Variants in ARID1B observed in about 807,000 individuals in gnomAD.
ARID1B encodes AT-rich interactive domain-containing protein 1B.
A neutral mutation model predicts 212.3 loss-of-function variants in ARID1B; 30 were observed. That is an observed-to-expected ratio of 0.14 (90% CI 0.11 to 0.19). The LOEUF (loss-of-function observed/expected upper bound fraction) is 0.19. Among genes scored for constraint, ARID1B ranks in the 10% least tolerant of loss-of-function variants. ARID1B has a pLI of 1.00. For missense variants in ARID1B, 2,891 were observed against 3,204.0 expected (o/e 0.90, Z 2.36); for synonymous variants, 1,402 against 1,301.7 (o/e 1.08, Z -1.66).
In ARID1B at chr6:157,007,731, T is replaced by G. The variant is rs568961340; in HGVS notation, c.2247+72155T>G. On this transcript the variant is annotated intron_variant, in intron 4 of 19. Coordinates refer to ENST00000636930, the MANE Select transcript of ARID1B (RefSeq NM_001374828.1). ...AGTTAAGGAAGCCCTAAGTTGTTTT[T>G]TTTTTTTTTTTTCCCCAAGACAGAG... Among the ~76,000 whole-genome samples, 1,123 of 140,968 alleles carry G rather than the reference T, an allele frequency of 8.0e-3. 20 individuals are homozygous for G. Among genetic ancestry groups the G allele is most frequent in the African/African-American group, 0.026 (1,033 of 39,324 alleles). 92.5% of individuals were successfully genotyped at this position (140,968 alleles called of 152,430 possible).
rs373508866 is a variant in ARID1B at position 157,084,693 on chromosome 6, C to T, written c.2279C>T (p.Thr760Met). Reference protein sequence around the residue: ...DLSGSIDDLPTGTEATLSSAV... With the variant: ...DLSGSIDDLPMGTEATLSSAV... The stretch of plus-strand genomic sequence containing the variant: ...TCTGGCTCCATTGATGACCTCCCCA[C>T]GGGAACGGAAGCAACTTTGAGCTCA... Residue 760 changes from threonine (T) to methionine (M), a missense_variant, in exon 5 of 20, where the codon ACG becomes ATG. By Grantham distance (81) the Thr-to-Met change is moderately conservative (BLOSUM62 -1). Around this residue, in one of 7 missense-constraint regions of ARID1B, gnomAD observed 1,643 missense variants for 1,544.0 expected, o/e 1.06. Coordinates refer to ENST00000636930, the MANE Select transcript of ARID1B (RefSeq NM_001374828.1). The T allele has an allele frequency of 2.5e-5, 40 of 1,614,036 alleles. No individual in the cohort carries two copies. Among genetic ancestry groups the T allele is most frequent in the African/African-American group, 5.3e-5 (4 of 74,908 alleles).
intron 4 of ARID1B, among the ~76,000 whole-genome samples, chr6:157,075,869 A>G (rs895810924): frequency 2.0e-5 from 3 of 152,238 alleles, no homozygotes; most frequent in African/African-American, 7.2e-5. Flanking sequence ...AAAGACTGGG[A>G]AACTGTCACA....
At chr6:157,165,131 GT>G (rs1436853741) in intron 8 of ARID1B, among the ~76,000 whole-genome samples, 7 of 152,228 alleles carry the variant, frequency 4.6e-5, no homozygotes, top group Non-Finnish European at 8.8e-5. Context: ...ATATAGGGAT[GT>G]GTTTATAGCT....
chr6:156,896,816 T>G (rs1031768934), intron 2 of ARID1B, among the ~76,000 whole-genome samples: 5 of 151,978 alleles, frequency 3.3e-5, no homozygotes, highest in African/African-American at 1.2e-4. Context: ...GAGGCGGAGG[T>G]TGCAGTGAGC....
intron 3 of ARID1B, among the ~76,000 whole-genome samples, chr6:156,934,912 TTATATATATATATATATATATA>T (rs201495355): frequency 0.091 from 4,804 of 52,678 alleles, 257 homozygotes; most frequent in Non-Finnish European, 0.11. Flanking sequence ...TAGTTGTTAA[TTATATATATATATATATATATA>T]TATATATATA....
chr6:156,811,110 C>G (rs1030184858), intron 1 of ARID1B, among the ~76,000 whole-genome samples: 3 of 152,148 alleles, frequency 2.0e-5, no homozygotes, highest in African/African-American at 7.2e-5. Flanking sequence ...TTCAATGCCA[C>G]CAGCAGAGAG....
chr6:157,144,317 C>T (rs1292679352), intron 7 of ARID1B, among the ~76,000 whole-genome samples: 2 of 152,184 alleles, frequency 1.3e-5, no homozygotes, highest in Admixed American at 1.3e-4. Flanking sequence ...AGTCTAAACG[C>T]TTGTTTTCTA....
intron 4 of ARID1B, chr6:156,938,838 C>T (rs2128281947): frequency 6.6e-6 from 1 of 152,304 alleles, no homozygotes; most frequent in Middle Eastern, 3.4e-3. Context: ...ACCTGTTTTT[C>T]TATATTTGCA....
intron 4 of ARID1B, among the ~76,000 whole-genome samples, chr6:156,982,090 T>C (rs1392110850): frequency 6.6e-6 from 1 of 152,008 alleles, no homozygotes; most frequent in Non-Finnish European, 1.5e-5. Context: ...CTAGATCACT[T>C]ACCATTTTGA....
At chr6:156,797,628 C>G (rs543976426) in intron 1 of ARID1B, among the ~76,000 whole-genome samples, 1 of 152,168 alleles carries the variant, frequency 6.6e-6, no homozygotes, top group African/African-American at 2.4e-5. Flanking sequence ...GAAGGTGTTC[C>G]TGCTTTTGGA....
intron 4 of ARID1B, among the ~76,000 whole-genome samples, chr6:156,946,378 T>C (rs1258284103): frequency 6.9e-6 from 1 of 145,286 alleles, no homozygotes; most frequent in African/African-American, 2.5e-5. Context: ...TCTCAAAAAA[T>C]AAAAAATAAA....
chr6:156,839,894 A>C (rs1164935961), intron 2 of ARID1B, among the ~76,000 whole-genome samples: 1 of 152,142 alleles, frequency 6.6e-6, no homozygotes, highest in Non-Finnish European at 1.5e-5. Context: ...TCCAAATCAA[A>C]CTCTGCTATG....
intron 3 of ARID1B, among the ~76,000 whole-genome samples, chr6:156,929,730 G>A (rs1791542654): frequency 6.6e-6 from 1 of 152,124 alleles, no homozygotes; most frequent in Admixed American, 6.5e-5. Context: ...CAGACACCAT[G>A]GAGGCTCTGT....
intron 4 of ARID1B, among the ~76,000 whole-genome samples, chr6:156,989,285 G>C (rs1204221556): frequency 8.5e-5 from 13 of 152,118 alleles, no homozygotes; most frequent in Admixed American, 8.5e-4. Flanking sequence ...TCACAACTTT[G>C]GCTGTTGGCA....
chr6:156,873,301 C>G (rs1366681114), intron 2 of ARID1B, among the ~76,000 whole-genome samples: 1 of 152,118 alleles, frequency 6.6e-6, no homozygotes, highest in Non-Finnish European at 1.5e-5. Context: ...TGGATTAGCC[C>G]ACTGGATAGA....
At chr6:156,934,899 A>G in intron 3 of ARID1B, among the ~76,000 whole-genome samples, 1 of 123,030 alleles carries the variant, frequency 8.1e-6, no homozygotes, top group Non-Finnish European at 1.7e-5. Flanking sequence ...CTCATAATAA[A>G]TTTAGTTGTT....
At chr6:157,096,105 T>A (rs1214025571) in intron 5 of ARID1B, among the ~76,000 whole-genome samples, 1 of 152,046 alleles carries the variant, frequency 6.6e-6, no homozygotes, top group Non-Finnish European at 1.5e-5. Flanking sequence ...AGCAAACTCC[T>A]CCTTACCCTT....
chr6:157,003,543 AC>A (rs1216416173), intron 4 of ARID1B, among the ~76,000 whole-genome samples: 1 of 152,216 alleles, frequency 6.6e-6, no homozygotes, highest in Non-Finnish European at 1.5e-5. Context: ...TCAGGGAGAT[AC>A]CTGGTTTTCT....
In ARID1B at chr6:157,190,124, C is replaced by T. The variant is rs779516798; in HGVS notation, c.4145C>T (p.Pro1382Leu). 1 of 1,614,210 alleles carries T rather than the reference C, an allele frequency of 6.2e-7. No individual in the cohort carries two copies. Among genetic ancestry groups the T allele is most frequent in the South Asian group, 1.1e-5 (1 of 91,084 alleles). ...PKRNSMTPNA[P>L]YQQGMSMPDV... ...CGGAACTCCATGACTCCAAACGCCCCCTACCAGCAGGGCATGAGCATGCCC... is the reference window on the plus strand; with the variant it reads ...CGGAACTCCATGACTCCAAACGCCCTCTACCAGCAGGGCATGAGCATGCCC... Residue 1382 changes from proline (P) to leucine (L), a missense_variant, in exon 15 of 20, where the codon CCC becomes CTC. Pro to Leu is a moderately conservative substitution (Grantham distance 98). Around this residue, in one of 7 missense-constraint regions of ARID1B, gnomAD observed 666 missense variants for 873.5 expected, o/e 0.76. Coordinates refer to ENST00000636930, the MANE Select transcript of ARID1B (RefSeq NM_001374828.1). The surrounding 1 kb of genome is among the most constrained non-coding windows in gnomAD (Gnocchi z 4.6).
Sources: allele counts gnomAD v4.1 joint callset (sites outside exome capture counted in the v4.1 genomes callset), GRCh38; gene constraint gnomAD v4.1.1; regional missense constraint gnomAD v4.1.1; non-coding constraint Gnocchi (gnomAD v3.1); transcripts MANE v1.5; gene names NCBI Gene and HGNC (gene_info 2026-07-23, HGNC 2026-07-21).